INPP5A: variants seen among roughly 807,000 people sequenced by gnomAD.
The protein encoded by INPP5A is 43 kDa inositol polyphosphate 5-phophatase.
A neutral mutation model predicts 65.2 loss-of-function variants in INPP5A; 14 were observed. The observed-to-expected ratio is 0.21, with a 90% CI of 0.14 to 0.34. The LOEUF (loss-of-function observed/expected upper bound fraction) is 0.34, where lower values mean the gene tolerates loss of function less well. INPP5A is among the 10% of genes least tolerant of loss of function. The pLI is 1.00. For synonymous variants in INPP5A, 207 were observed against 208.3 expected (o/e 0.99, Z 0.05); for missense variants, 431 against 545.6 (o/e 0.79, Z 2.09).
intron 8 of INPP5A, among the ~76,000 whole-genome samples, chr10:132,718,335 C>G (rs1468599407): frequency 6.7e-6 from 1 of 150,148 alleles, no homozygotes; most frequent in East Asian, 2.0e-4. Context: ...TGGGTTCTGT[C>G]TGAGCACCTT....
At position 132,707,630 on chromosome 10, in the gene INPP5A, G is replaced by A. The variant is rs550275247; in HGVS notation, c.475-683G>A. ...GGTGGGAGGGCAGGAGGGCCTCCAT[G>A]CCATCTCGAGGGGAGCCCTGCCACC... On this transcript the variant is annotated intron_variant, in intron 6 of 15. Transcript: ENST00000368594. This position sits in a 1 kb window ranked among gnomAD's most constrained non-coding sequence, Gnocchi z 5.5. Among the ~76,000 whole-genome samples, 13 of 152,306 alleles carry A rather than the reference G, an allele frequency of 8.5e-5. No individual in the cohort carries two copies. Among genetic ancestry groups the A allele is most frequent in the African/African-American group, 2.9e-4 (12 of 41,564 alleles).
intron 11 of INPP5A, among the ~76,000 whole-genome samples, chr10:132,756,538 G>C (rs2134656453): frequency 6.6e-6 from 1 of 152,322 alleles, no homozygotes; most frequent in South Asian, 2.1e-4. Flanking sequence ...TGATGTAACT[G>C]TTGTGACATC....
chr10:132,668,877 G>A (rs1050587301), intron 4 of INPP5A, among the ~76,000 whole-genome samples: 4 of 152,130 alleles, frequency 2.6e-5, no homozygotes, highest in African/African-American at 7.2e-5. Flanking sequence ...CGTTTATTGA[G>A]CGTGTACTGC....
At chr10:132,596,836 CGT>C (rs970204458) in intron 1 of INPP5A, among the ~76,000 whole-genome samples, 20 of 141,040 alleles carry the variant, frequency 1.4e-4, no homozygotes, top group African/African-American at 3.3e-4. Context: ...TGCTTGTGTG[CGT>C]GTGTGCATGC....
chr10:132,652,847 G>A (rs1325824169), intron 4 of INPP5A, among the ~76,000 whole-genome samples: 3 of 152,220 alleles, frequency 2.0e-5, no homozygotes, highest in Non-Finnish European at 4.4e-5. Context: ...ATGATAAGGG[G>A]TCAGCTTTTT....
chr10:132,620,667 A>G lies in INPP5A; in HGVS notation c.117+12711A>G, dbSNP rs138179793. On this transcript the variant is annotated intron_variant, in intron 2 of 15. Transcript: ENST00000368594. ...AAGAAACTTTTTTTTTTGAAAAACA[A>G]AAGTATCAAGAAGAAATAATGAACT... Among the ~76,000 whole-genome samples the G allele has an allele frequency of 1.1e-3, 168 of 152,344 alleles. 1 individual carries two copies. The highest frequency in any genetic ancestry group is 3.7e-3 in the African/African-American group (152 of 41,562).
intron 1 of INPP5A, among the ~76,000 whole-genome samples, chr10:132,567,213 AG>A (rs1220465489): frequency 1.3e-5 from 2 of 152,240 alleles, no homozygotes; most frequent in Admixed American, 6.5e-5. Flanking sequence ...TGCCACTGTC[AG>A]ATTCTCATCC....
chr10:132,699,023 C>G (rs759847509), intron 6 of INPP5A, among the ~76,000 whole-genome samples: 1 of 152,240 alleles, frequency 6.6e-6, no homozygotes, highest in Non-Finnish European at 1.5e-5. Flanking sequence ...CTCCTGTCCT[C>G]GGTCCTGCTT....
chr10:132,668,133 T>C (rs76302969), intron 4 of INPP5A, among the ~76,000 whole-genome samples: 2,432 of 152,298 alleles, frequency 0.016, 36 homozygotes, highest in South Asian at 0.039. Flanking sequence ...CTGCCGGCCT[T>C]GCAGGGTTGG....
At chr10:132,690,880 G>A (rs980980083) in intron 5 of INPP5A, among the ~76,000 whole-genome samples, 4 of 152,286 alleles carry the variant, frequency 2.6e-5, no homozygotes, top group East Asian at 1.9e-4. Flanking sequence ...GAGACGCTCC[G>A]CTGACACAAG....
At chr10:132,764,419 C>T (rs959624171) in intron 11 of INPP5A, among the ~76,000 whole-genome samples, 5 of 150,918 alleles carry the variant, frequency 3.3e-5, no homozygotes, top group Admixed American at 1.3e-4. Flanking sequence ...GGAACACGGT[C>T]GGGTCAGTCC....
At chr10:132,571,248 A>C (rs1177702728) in intron 1 of INPP5A, among the ~76,000 whole-genome samples, 2 of 152,280 alleles carry the variant, frequency 1.3e-5, no homozygotes, top group Non-Finnish European at 2.9e-5. Flanking sequence ...ATCGCCTAGC[A>C]AAGCAGCGAG....
At position 132,538,091 on chromosome 10, in the gene INPP5A, G is replaced by A. The variant is rs1590813148; in HGVS notation, c.-6G>A. The A allele has an allele frequency of 1.3e-5, 15 of 1,188,772 alleles. No individual in the cohort carries two copies. The East Asian group carries it at 5.3e-4, about 42-fold the overall frequency. The allele number at this position is 1,188,772 out of a possible 1,614,324, so 73.6% of individuals were successfully genotyped here. A position where few individuals can be genotyped will look rare whatever the true frequency, so the allele number is the denominator to read the frequency against. The stretch of plus-strand genomic sequence containing the variant: ...CCCAGCCCAGCGCCCGCGCCGCCCG[G>A]GCACCATGGCGGGGAAGGCGGCCGC... On this transcript the variant is annotated 5_prime_UTR_variant, in exon 1 of 16. Transcript: ENST00000368594. The surrounding 1 kb of genome is among the most constrained non-coding windows in gnomAD (Gnocchi z 4.1).
chr10:132,630,002 G>C (rs1354740254), intron 2 of INPP5A, among the ~76,000 whole-genome samples: 1 of 152,074 alleles, frequency 6.6e-6, no homozygotes, highest in Non-Finnish European at 1.5e-5. Context: ...CGAGGGAAAA[G>C]CATCCTCCAG....
At chr10:132,562,238 G>A (rs949991277) in intron 1 of INPP5A, among the ~76,000 whole-genome samples, 4 of 152,232 alleles carry the variant, frequency 2.6e-5, no homozygotes, top group Non-Finnish European at 5.9e-5. Flanking sequence ...CATCACAGGT[G>A]TCCAGGGCTT....
At chr10:132,661,136 A>G (rs989862757) in intron 4 of INPP5A, among the ~76,000 whole-genome samples, 1 of 152,108 alleles carries the variant, frequency 6.6e-6, no homozygotes, top group Non-Finnish European at 1.5e-5. Context: ...CCCCAGCTGC[A>G]TGCTCCCACC....
intron 2 of INPP5A, among the ~76,000 whole-genome samples, chr10:132,628,472 G>C (rs868009303): frequency 0.016 from 2,340 of 150,442 alleles, 262 homozygotes; most frequent in South Asian, 0.041. Context: ...GCGGGGGGGG[G>C]GGGGGGCGTG....
intron 1 of INPP5A, among the ~76,000 whole-genome samples, chr10:132,540,271 C>T (rs78102492): frequency 4.0e-5 from 6 of 151,444 alleles, no homozygotes; most frequent in Middle Eastern, 3.4e-3. Flanking sequence ...ATTGTATACA[C>T]GTATTTATCT....
chr10:132,596,719 C>A (rs1400688352), intron 1 of INPP5A, among the ~76,000 whole-genome samples: 1 of 152,192 alleles, frequency 6.6e-6, no homozygotes, highest in Non-Finnish European at 1.5e-5. Context: ...CGTGAGCCAC[C>A]ACGCCCGGCC....
Sources: allele counts gnomAD v4.1 joint callset (sites outside exome capture counted in the v4.1 genomes callset), GRCh38; gene constraint gnomAD v4.1.1; non-coding constraint Gnocchi (gnomAD v3.1); transcripts MANE v1.5; gene names NCBI Gene and HGNC (gene_info 2026-07-23, HGNC 2026-07-21).